Variants in ZNF385D observed in about 807,000 individuals in gnomAD.
The protein encoded by ZNF385D is zinc finger protein 659.
Under a neutral mutation model 35.8 loss-of-function variants are expected in ZNF385D, and 15 were observed. The ratio of observed to expected loss-of-function variants is 0.42; its 90% confidence interval spans 0.28 to 0.64. ZNF385D has a LOEUF of 0.64. Among genes scored for constraint, ZNF385D ranks in the 30% least tolerant of loss-of-function variants. The pLI is 0.23. For missense variants in ZNF385D, 474 were observed against 494.6 expected (o/e 0.96, Z 0.39); for synonymous variants, 212 against 186.8 (o/e 1.13, Z -1.10).
chr3:22,050,673 G>A (rs570585321), intron 3 of ZNF385D, among the ~76,000 whole-genome samples: 212 of 152,286 alleles, frequency 1.4e-3, no homozygotes, highest in African/African-American at 4.9e-3. Context: ...TGTTTTACCA[G>A]ATGAACTCAG....
intron 3 of ZNF385D, among the ~76,000 whole-genome samples, chr3:21,852,609 G>A (rs1483354519): frequency 6.6e-6 from 1 of 151,906 alleles, no homozygotes; most frequent in Non-Finnish European, 1.5e-5. Context: ...AGATTAGGCA[G>A]TAATTACTAT....
intron 3 of ZNF385D, among the ~76,000 whole-genome samples, chr3:22,004,326 A>G (rs1388569805): frequency 6.6e-6 from 1 of 152,166 alleles, no homozygotes; most frequent in African/African-American, 2.4e-5. Context: ...ATACTATAAA[A>G]TTAGAAAGAA....
chr3:22,082,890 A>G (rs942988819), intron 3 of ZNF385D, among the ~76,000 whole-genome samples: 2 of 152,164 alleles, frequency 1.3e-5, no homozygotes, highest in African/African-American at 4.8e-5. Flanking sequence ...CTGTTCTACA[A>G]TATTTGCTGT....
At chr3:21,464,316 T>G (rs1377343563) in intron 4 of ZNF385D, among the ~76,000 whole-genome samples, 1 of 152,200 alleles carries the variant, frequency 6.6e-6, no homozygotes, top group Admixed American at 6.5e-5. Flanking sequence ...AAGCCTTCTA[T>G]TAAGTGGTCA....
At chr3:21,448,764 A>G (rs1480820540) in intron 4 of ZNF385D, among the ~76,000 whole-genome samples, 2 of 152,156 alleles carry the variant, frequency 1.3e-5, no homozygotes, top group Non-Finnish European at 2.9e-5. Context: ...CACATAAACT[A>G]GATTTTCATG....
At chr3:22,274,200 C>T (rs1701314509) in intron 2 of ZNF385D, among the ~76,000 whole-genome samples, 2 of 151,764 alleles carry the variant, frequency 1.3e-5, no homozygotes, top group Admixed American at 1.3e-4. Flanking sequence ...CAGAATATAG[C>T]ACTTAGAAGA....
intron 1 of ZNF385D, among the ~76,000 whole-genome samples, chr3:21,708,579 T>C (rs1427265221): frequency 1.3e-5 from 2 of 152,326 alleles, no homozygotes; most frequent in Admixed American, 1.3e-4. Context: ...TTGAAATTAC[T>C]CTATTACATT....
chr3:21,731,551 T>C (rs1020804173), intron 1 of ZNF385D, among the ~76,000 whole-genome samples: 1 of 152,212 alleles, frequency 6.6e-6, no homozygotes, highest in Non-Finnish European at 1.5e-5. Flanking sequence ...GGTTCACTCT[T>C]GGTGTTGTAC....
chr3:21,890,491 C>T (rs555720304), intron 3 of ZNF385D, among the ~76,000 whole-genome samples: 1 of 152,110 alleles, frequency 6.6e-6, no homozygotes, highest in African/African-American at 2.4e-5. Flanking sequence ...TGGTGGCAGG[C>T]CCCTGTAATC....
At chr3:21,455,549 C>T (rs1702748891) in intron 4 of ZNF385D, among the ~76,000 whole-genome samples, 1 of 152,188 alleles carries the variant, frequency 6.6e-6, no homozygotes, top group South Asian at 2.1e-4. Context: ...AAAGCTGAAA[C>T]TGGATCCCTT....
In ZNF385D at chr3:21,762,826, T is replaced by C. The variant is rs529384375; in HGVS notation, c.326-97798A>G. Reference sequence around the variant, plus strand: ...ATATGGGATTGAAAAGGCCTATTCATCTTGGACCAACTTGGGGCACCTTTT... The same window carrying C: ...ATATGGGATTGAAAAGGCCTATTCACCTTGGACCAACTTGGGGCACCTTTT... On this transcript the variant is annotated intron_variant, in intron 3 of 5. Coordinates refer to the ZNF385D transcript ENST00000494108. Among the ~76,000 whole-genome samples, 9 of 152,276 alleles carry C rather than the reference T, an allele frequency of 5.9e-5. No individual in the cohort carries two copies. In the South Asian group the frequency reaches 1.7e-3, roughly 28 times the overall value.
intron 3 of ZNF385D, among the ~76,000 whole-genome samples, chr3:21,546,839 C>A (rs1248868436): frequency 6.6e-6 from 1 of 151,716 alleles, no homozygotes; most frequent in Non-Finnish European, 1.5e-5. Context: ...TTCTCTAGCC[C>A]CCCCCGCTTC....
At chr3:21,882,000 T>C in intron 3 of ZNF385D, among the ~76,000 whole-genome samples, 1 of 152,030 alleles carries the variant, frequency 6.6e-6, no homozygotes, top group East Asian at 1.9e-4. Context: ...GGAATTGTTC[T>C]GGGTGAGCAA....
intron 1 of ZNF385D, among the ~76,000 whole-genome samples, chr3:21,672,840 G>C (rs986020565): frequency 1.3e-5 from 2 of 152,210 alleles, no homozygotes; most frequent in East Asian, 1.9e-4. Context: ...GTCTCCACTA[G>C]AAGAAAAACG....
chr3:21,504,416 G>A (rs909547704), intron 4 of ZNF385D, among the ~76,000 whole-genome samples: 2 of 152,032 alleles, frequency 1.3e-5, no homozygotes, highest in Non-Finnish European at 2.9e-5. Flanking sequence ...AAATACAAAA[G>A]TCTAAAGCTT....
At chr3:21,739,861 G>A (rs1033347117) in intron 1 of ZNF385D, among the ~76,000 whole-genome samples, 1 of 152,202 alleles carries the variant, frequency 6.6e-6, no homozygotes, top group Non-Finnish European at 1.5e-5. Flanking sequence ...TGGTGACAGT[G>A]TTTCCAGTGC....
In ZNF385D at chr3:21,716,083, C is replaced by T. The variant is rs146499164; in HGVS notation, c.22+34812G>A. Reference sequence around the variant, plus strand: ...CAATCTCAATACCCCACACCCAACCCCTCAGCAGATCCTGTCCACTCTACT... The same window carrying T: ...CAATCTCAATACCCCACACCCAACCTCTCAGCAGATCCTGTCCACTCTACT... On this transcript the variant is annotated intron_variant, in intron 1 of 7. Transcript: ENST00000281523. 1.6e-4 allele frequency among the ~76,000 whole-genome samples: 25 copies of T among 152,212 alleles called. No individual in the cohort carries two copies. The East Asian group carries it at 4.7e-3, about 28-fold the overall frequency.
intron 3 of ZNF385D, among the ~76,000 whole-genome samples, chr3:21,879,430 G>A (rs1698154998): frequency 6.6e-6 from 1 of 151,954 alleles, no homozygotes; most frequent in Admixed American, 6.6e-5. Flanking sequence ...TTAGCATTAA[G>A]AACAGTTATG....
chr3:22,185,637 T>C (rs1297500067), intron 2 of ZNF385D, among the ~76,000 whole-genome samples: 2 of 152,100 alleles, frequency 1.3e-5, no homozygotes, highest in Non-Finnish European at 2.9e-5. Context: ...CCAGCTAATT[T>C]TTGTATTTTT....
Sources: allele counts gnomAD v4.1 joint callset (sites outside exome capture counted in the v4.1 genomes callset), GRCh38; gene constraint gnomAD v4.1.1; transcripts MANE v1.5; gene names NCBI Gene and HGNC (gene_info 2026-07-23, HGNC 2026-07-21).